Variants in NSD3 observed in about 807,000 individuals in gnomAD.
The protein encoded by NSD3 is histone-lysine N-methyltransferase NSD3.
NSD3 carries 24 observed loss-of-function variants against 160.8 expected under a neutral mutation model. That is an observed-to-expected ratio of 0.15 (90% confidence interval 0.11 to 0.21). NSD3 has a LOEUF of 0.21. NSD3 is among the 10% of genes least tolerant of loss of function. The probability of loss-of-function intolerance (pLI) is 1.00; values close to 1 mark genes in which losing one functional copy is unlikely to be tolerated. For synonymous variants in NSD3, 520 were observed against 600.0 expected (o/e 0.87, Z 1.95); for missense variants, 1,157 against 1,735.9 (o/e 0.67, Z 5.93).
intron 1 of NSD3, among the ~76,000 whole-genome samples, chr8:38,367,578 G>T (rs999552317): frequency 4.6e-5 from 7 of 152,038 alleles, no homozygotes; most frequent in Admixed American, 2.6e-4. Flanking sequence ...TGGGTGTGGT[G>T]GTGCATGCCT....
At chr8:38,380,810 G>A (rs114258984) in intron 1 of NSD3, 2 of 152,216 alleles carry the variant, frequency 1.3e-5, no homozygotes, top group Non-Finnish European at 2.9e-5. Flanking sequence ...TGATGTCGGA[G>A]AGGAAAAGGA....
chr8:38,355,806 T>C (rs1810809269), intron 1 of NSD3, among the ~76,000 whole-genome samples: 1 of 152,210 alleles, frequency 6.6e-6, no homozygotes, highest in Non-Finnish European at 1.5e-5. Flanking sequence ...ATTCTAAACA[T>C]TTTACATTTG....
At chr8:38,347,447 C>T (rs1207136196) in intron 2 of NSD3, 50 bp downstream of exon 2, 21 of 1,522,024 alleles carry the variant, frequency 1.4e-5, no homozygotes, top group Admixed American at 2.3e-5. Context: ...CTTGAACTTC[C>T]AGTAAATGTG....
intron 1 of NSD3, among the ~76,000 whole-genome samples, chr8:38,350,075 C>CA (rs1479747062): frequency 6.6e-6 from 1 of 152,080 alleles, no homozygotes; most frequent in African/African-American, 2.4e-5. Flanking sequence ...TTTCTTAATC[C>CA]AATCTATCAT....
Position 38,357,118 on chromosome 8 carries a change from CAAAAAAAAAAAAA to C in NSD3, c.-44-8916_-44-8904del, listed in dbSNP as rs966483645. Among the ~76,000 whole-genome samples, 8 of 21,314 alleles carry C rather than the reference CAAAAAAAAAAAAA, an allele frequency of 3.8e-4. No homozygotes were observed. The East Asian group carries it at 0.011, about 29-fold the overall frequency. The allele number at this position is 21,314 out of a possible 152,430, so 14.0% of individuals were successfully genotyped here. On this transcript the variant is annotated intron_variant, in intron 1 of 23. Coordinates refer to ENST00000317025, the MANE Select transcript of NSD3 (RefSeq NM_023034.2). Reference sequence around the variant, plus strand: ...TGGGTGACAAAGCAAGACACCATCTCAAAAAAAAAAAAAAAAAAAAAAAAAAAATCCTTACATT... The same window carrying C: ...TGGGTGACAAAGCAAGACACCATCTCAAAAAAAAAAAAAAATCCTTACATT...
rs1233139456 is a variant in NSD3 at position 38,321,025 on chromosome 8, A to G, written c.1809+47T>C. The G allele has an allele frequency of 6.5e-7, 1 of 1,546,578 alleles. No homozygotes were observed. The highest frequency in any genetic ancestry group is 8.9e-7 in the Non-Finnish European group (1 of 1,123,310). On this transcript the variant is annotated intron_variant, in intron 8 of 23. Coordinates refer to ENST00000317025, the MANE Select transcript of NSD3 (RefSeq NM_023034.2). The surrounding 1 kb of genome is among the most constrained non-coding windows in gnomAD (Gnocchi z 4.7). ...TTTTAAGACAGGAATGTAAGCCACA[A>G]CATTTACAAATACAATGTTTTAACT... is the stretch of plus-strand genomic sequence containing the variant.
intron 2 of NSD3, 118 bp downstream of exon 2, chr8:38,347,379 T>G (rs1810561777): frequency 9.3e-7 from 1 of 1,075,974 alleles, no homozygotes; most frequent in Admixed American, 2.7e-5. Flanking sequence ...ACGTTGCTAG[T>G]GATTAAAGAA....
chr8:38,337,079 T>C (rs776656029), intron 4 of NSD3, among the ~76,000 whole-genome samples: 22 of 147,894 alleles, frequency 1.5e-4, no homozygotes, highest in Non-Finnish European at 2.8e-4. Context: ...GAGGCGGAGG[T>C]TGCAGTGAGC....
Position 38,305,422 on chromosome 8 carries a change from T to C in NSD3, c.2266A>G (p.Lys756Glu), listed in dbSNP as rs1300563598. 6.2e-7 allele frequency: 1 copy of C among 1,614,154 alleles called. No homozygotes were observed. Among genetic ancestry groups the C allele is most frequent in the African/African-American group, 1.3e-5 (1 of 75,040 alleles). ...CGCTTCACATCTTTACCAGACACTT[T>C]ACACGAAAAACATGGGTGCTGCCCT... The part of the protein sequence containing the change: ...KTGQHPCFSC[K>E]VSGKDVKRCS... Residue 756 changes from lysine to glutamate, a missense_variant, in exon 13 of 24, where the codon AAA becomes GAA. Coordinates refer to ENST00000317025, the MANE Select transcript of NSD3 (RefSeq NM_023034.2).
chr8:38,290,534 A>G lies in NSD3; in HGVS notation c.3059T>C (p.Val1020Ala), dbSNP rs1194569229. 1 of 1,614,032 alleles carries G rather than the reference A, an allele frequency of 6.2e-7. No individual in the cohort carries two copies. The highest frequency in any genetic ancestry group is 8.5e-7 in the Non-Finnish European group (1 of 1,180,030). ...WVHQGRVFPY[V>A]EGDKSFAEGQ... ...TTCAGCAAAGCTTTTGTCTCCTTCAACATAAGGGAACACTCTGCCCTGGTG... is the reference window on the plus strand; with the variant it reads ...TTCAGCAAAGCTTTTGTCTCCTTCAGCATAAGGGAACACTCTGCCCTGGTG... Residue 1020 changes from valine (V) to alanine (A), a missense_variant, in exon 17 of 24, where the codon GTT becomes GCT. Coordinates refer to ENST00000317025, the MANE Select transcript of NSD3 (RefSeq NM_023034.2).
intron 5 of NSD3, among the ~76,000 whole-genome samples, chr8:38,330,577 C>T (rs757446203): frequency 4.6e-5 from 7 of 152,122 alleles, no homozygotes; most frequent in Non-Finnish European, 8.8e-5. Flanking sequence ...TAGGAATTAT[C>T]CAGGTGGCTA....
chr8:38,373,987 C>T (rs922290697), intron 1 of NSD3, among the ~76,000 whole-genome samples: 6 of 147,746 alleles, frequency 4.1e-5, no homozygotes, highest in Admixed American at 1.4e-4. Flanking sequence ...TGGTGGCACA[C>T]GCCTGTAGTC....
At chr8:38,333,041 GT>G (rs1252226079) in intron 4 of NSD3, among the ~76,000 whole-genome samples, 2 of 152,060 alleles carry the variant, frequency 1.3e-5, no homozygotes, top group Admixed American at 6.5e-5. Flanking sequence ...AATCCAAAGG[GT>G]TTTTGGGGGG....
intron 16 of NSD3, among the ~76,000 whole-genome samples, chr8:38,291,765 G>A (rs1809001611): frequency 6.6e-6 from 1 of 152,186 alleles, no homozygotes; most frequent in Admixed American, 6.5e-5. Context: ...ACGTCAGTTA[G>A]GAAGAGTCAC....
intron 6 of NSD3, among the ~76,000 whole-genome samples, chr8:38,328,213 T>C (rs964733133): frequency 6.6e-6 from 1 of 152,136 alleles, no homozygotes; most frequent in Non-Finnish European, 1.5e-5. Flanking sequence ...AATATAAATA[T>C]ATACATGCAT....
chr8:38,320,665 A>G (rs1469267605), intron 8 of NSD3: 1 of 152,926 alleles, frequency 6.5e-6, no homozygotes, highest in Non-Finnish European at 1.5e-5. Context: ...TATAAATTAA[A>G]TTGATTTGTT....
At chr8:38,330,943 C>T (rs899678790) in intron 5 of NSD3, among the ~76,000 whole-genome samples, 4 of 152,034 alleles carry the variant, frequency 2.6e-5, no homozygotes, top group African/African-American at 7.3e-5. Flanking sequence ...TAGTATCTAC[C>T]TCATACAGGT....
chr8:38,335,931 G>C (rs973259711), intron 4 of NSD3: 3 of 152,200 alleles, frequency 2.0e-5, no homozygotes, highest in African/African-American at 7.2e-5. Context: ...AACAATGCTG[G>C]TTTTTCACTT....
chr8:38,359,683 G>A (rs1810912162), intron 1 of NSD3, among the ~76,000 whole-genome samples: 1 of 152,126 alleles, frequency 6.6e-6, no homozygotes, highest in Non-Finnish European at 1.5e-5. Context: ...AACCAAATTT[G>A]GTACAGTGAC....
Sources: allele counts gnomAD v4.1 joint callset (sites outside exome capture counted in the v4.1 genomes callset), GRCh38; gene constraint gnomAD v4.1.1; non-coding constraint Gnocchi (gnomAD v3.1); transcripts MANE v1.5; gene names NCBI Gene and HGNC (gene_info 2026-07-23, HGNC 2026-07-21).